The following CACNA1B variants were observed in gnomAD, a reference collection of about 807,000 sequenced individuals.
CACNA1B encodes voltage-dependent N-type calcium channel subunit alpha-1B.
CACNA1B carries 70 observed loss-of-function variants against 247.2 expected under a neutral mutation model. That is an observed-to-expected ratio of 0.28 (90% CI 0.23 to 0.35). CACNA1B has a LOEUF of 0.35. Ranked by LOEUF, CACNA1B falls within the 10% of genes least tolerant of loss-of-function variation. CACNA1B has a pLI of 1.00. For synonymous variants in CACNA1B, 1,231 were observed against 1,294.4 expected (o/e 0.95, Z 1.05); for missense variants, 2,367 against 3,197.4 (o/e 0.74, Z 6.26).
chr9:137,980,229 G>T (rs1007182902), intron 12 of CACNA1B, among the ~76,000 whole-genome samples: 1 of 152,156 alleles, frequency 6.6e-6, no homozygotes, highest in African/African-American at 2.4e-5. Flanking sequence ...GAAGCTTGGG[G>T]TTCACTTTAT....
intron 35 of CACNA1B, 52 bp downstream of exon 35, chr9:138,075,962 C>T: frequency 8.2e-7 from 1 of 1,214,874 alleles, no homozygotes; most frequent in East Asian, 2.4e-5. Flanking sequence ...TCGGGGGCTG[C>T]TTTACTCAGG....
intron 12 of CACNA1B, among the ~76,000 whole-genome samples, chr9:137,981,878 C>T (rs1051273764): frequency 1.3e-5 from 2 of 152,220 alleles, no homozygotes; most frequent in Admixed American, 6.5e-5. Context: ...AAATTCTCCT[C>T]GCTTTCCTGC....
intron 5 of CACNA1B, among the ~76,000 whole-genome samples, chr9:137,915,108 G>C (rs1468167102): frequency 6.6e-6 from 1 of 152,262 alleles, no homozygotes; most frequent in Non-Finnish European, 1.5e-5. Context: ...TGACCGTCGA[G>C]CAGCATCTGA....
At chr9:138,049,099 C>A in intron 23 of CACNA1B, 110 bp from the exon 24 acceptor site, 1 of 755,826 alleles carries the variant, frequency 1.3e-6, no homozygotes, top group East Asian at 2.5e-5. Flanking sequence ...AAGCAGTCTG[C>A]CTGCCTCAGC....
In CACNA1B at chr9:138,054,993, T is replaced by C. The variant is rs1959440618; in HGVS notation, c.3968+987T>C. 6.6e-6 allele frequency among the ~76,000 whole-genome samples: 1 copy of C among 152,196 alleles called. No homozygotes were observed. Among genetic ancestry groups the C allele is most frequent in the African/African-American group, 2.4e-5 (1 of 41,450 alleles). ...TGCTGTCTGCCTCTTTCCTGTCGGT[T>C]ACTAGGAATCATGTAATGTTCTGGA... On this transcript the variant is annotated intron_variant, in intron 26 of 46. Coordinates refer to ENST00000371372, the MANE Select transcript of CACNA1B (RefSeq NM_000718.4). This position sits in a 1 kb window ranked among gnomAD's most constrained non-coding sequence, Gnocchi z 4.6.
Position 137,973,144 on chromosome 9 carries a change from C to T in CACNA1B, c.1543+1552C>T, listed in dbSNP as rs117469597. On this transcript the variant is annotated intron_variant, in intron 11 of 46. Coordinates refer to ENST00000371372, the MANE Select transcript of CACNA1B (RefSeq NM_000718.4). This position sits in a 1 kb window ranked among gnomAD's most constrained non-coding sequence, Gnocchi z 4.1. ...AGCCCAGTCGCGCATCTGCTGTGTG[C>T]GAGCACAGGGCTGGCAGTGTCCAGG... 1.3e-5 allele frequency among the ~76,000 whole-genome samples: 2 copies of T among 152,156 alleles called. No individual in the cohort carries two copies. Among genetic ancestry groups the T allele is most frequent in the African/African-American group, 4.8e-5 (2 of 41,428 alleles).
In CACNA1B at chr9:137,952,210, T is replaced by TGCTCCTGTGGCC; in HGVS notation, c.967-62_967-51dup. 1.5e-6 allele frequency: 2 copies of TGCTCCTGTGGCC among 1,300,274 alleles called. No individual in the cohort carries two copies. The highest frequency in any genetic ancestry group is 2.2e-6 in the Non-Finnish European group (2 of 898,220). The allele number at this position is 1,300,274 out of a possible 1,614,324, so 80.5% of individuals were successfully genotyped here. Reference sequence around the variant, plus strand: ...AAGGAGGCCTGTTGGGGGCTGGGGGTGCTCCTGTGGCCGGGACTGTGTTTT... The same window carrying TGCTCCTGTGGCC: ...AAGGAGGCCTGTTGGGGGCTGGGGGTGCTCCTGTGGCCGCTCCTGTGGCCGGGACTGTGTTTT... On this transcript the variant is annotated intron_variant, in intron 6 of 46. Coordinates refer to ENST00000371372, the MANE Select transcript of CACNA1B (RefSeq NM_000718.4). The surrounding 1 kb of genome is among the most constrained non-coding windows in gnomAD (Gnocchi z 4.8).
intron 6 of CACNA1B, among the ~76,000 whole-genome samples, chr9:137,927,044 T>C (rs999160389): frequency 6.6e-6 from 1 of 152,174 alleles, no homozygotes; most frequent in African/African-American, 2.4e-5. Context: ...TCATGCAGTC[T>C]AGTTTGTCTG....
chr9:138,087,819 T>C (rs1960751975), intron 36 of CACNA1B, among the ~76,000 whole-genome samples: 1 of 140,354 alleles, frequency 7.1e-6, no homozygotes, highest in Non-Finnish European at 1.6e-5. Flanking sequence ...AGGGGCAGGG[T>C]AGGTGGAGAA....
chr9:137,972,100 A>T (rs1440864852), intron 11 of CACNA1B, among the ~76,000 whole-genome samples: 2 of 148,510 alleles, frequency 1.3e-5, no homozygotes, highest in South Asian at 2.1e-4. Context: ...CAATTGGCTA[A>T]ATCTGGATGC....
chr9:137,977,940 AC>A (rs1219681004), intron 12 of CACNA1B, among the ~76,000 whole-genome samples: 36 of 124,500 alleles, frequency 2.9e-4, no homozygotes, highest in African/African-American at 9.3e-4. Context: ...TGGGAGCACT[AC>A]CCCCCCCAGG....
At position 138,050,156 on chromosome 9, in the gene CACNA1B, T is replaced by G. The variant is rs1959227811; in HGVS notation, c.3710+841T>G. The G allele has an allele frequency of 8.8e-7, 1 of 1,142,094 alleles. No homozygotes were observed. The highest frequency in any genetic ancestry group is 1.2e-6 in the Non-Finnish European group (1 of 854,358). The allele number at this position is 1,142,094 out of a possible 1,614,324, so 70.7% of individuals were successfully genotyped here. A position where few individuals can be genotyped will look rare whatever the true frequency, so the allele number is the denominator to read the frequency against. ...TTCCAGCAGCCCCTCTTGGGTCATT[T>G]CATCTCCAGCCTCACCCCCCGCCCA... On this transcript the variant is annotated intron_variant, in intron 24 of 46. Coordinates refer to ENST00000371372, the MANE Select transcript of CACNA1B (RefSeq NM_000718.4). The surrounding 1 kb of genome is among the most constrained non-coding windows in gnomAD (Gnocchi z 5.2).
chr9:137,900,322 G>A (rs142627967), intron 3 of CACNA1B, among the ~76,000 whole-genome samples: 67 of 152,282 alleles, frequency 4.4e-4, no homozygotes, highest in African/African-American at 1.5e-3. Context: ...CAGCAGTGTG[G>A]TTCCAGCCTT....
At chr9:137,966,823 C>CCA (rs1958083929) in intron 10 of CACNA1B, among the ~76,000 whole-genome samples, 2 of 152,196 alleles carry the variant, frequency 1.3e-5, no homozygotes, top group African/African-American at 4.8e-5. Context: ...CAGGCGTGAG[C>CCA]CACCGCACCC....
At chr9:137,892,405 T>G (rs1367961844) in intron 3 of CACNA1B, 6 of 453,918 alleles carry the variant, frequency 1.3e-5, no homozygotes, top group Non-Finnish European at 2.7e-5. Context: ...GCCTGCGGGG[T>G]CCACTGTGGC....
At chr9:138,033,858 C>T (rs1959013008) in intron 20 of CACNA1B, among the ~76,000 whole-genome samples, 1 of 152,104 alleles carries the variant, frequency 6.6e-6, no homozygotes, top group Non-Finnish European at 1.5e-5. Flanking sequence ...TCCCTTGACA[C>T]GTGGGGATTA....
intron 38 of CACNA1B, 95 bp from the exon 39 acceptor site, chr9:138,105,598 GGGATGC>G (rs1313323918): frequency 2.9e-6 from 2 of 689,838 alleles, no homozygotes; most frequent in African/African-American, 3.5e-5. Context: ...CACCACCACT[GGGATGC>G]CCAGCCCAGC....
intron 36 of CACNA1B, among the ~76,000 whole-genome samples, chr9:138,088,223 G>A (rs1202980225): frequency 6.6e-6 from 1 of 151,860 alleles, no homozygotes; most frequent in Non-Finnish European, 1.5e-5. Context: ...ATAAAAATTA[G>A]CCAGTTATGT....
chr9:137,991,996 C>G (rs1958436923), intron 15 of CACNA1B, among the ~76,000 whole-genome samples: 1 of 152,052 alleles, frequency 6.6e-6, no homozygotes, highest in Non-Finnish European at 1.5e-5. Context: ...CCTTAAGACA[C>G]AAATCCAACA....
Sources: allele counts gnomAD v4.1 joint callset (sites outside exome capture counted in the v4.1 genomes callset), GRCh38; gene constraint gnomAD v4.1.1; non-coding constraint Gnocchi (gnomAD v3.1); transcripts MANE v1.5; gene names NCBI Gene and HGNC (gene_info 2026-07-23, HGNC 2026-07-21).